IPMK: variants seen among roughly 807,000 people sequenced by gnomAD.
IPMK encodes the protein inositol polyphosphate multikinase, also known as inositol 1,3,4,6-tetrakisphosphate 5-kinase.
IPMK carries 17 observed loss-of-function variants against 45.8 expected under a neutral mutation model. The observed-to-expected ratio is 0.37, with a 90% CI of 0.25 to 0.56. The LOEUF (loss-of-function observed/expected upper bound fraction) is 0.56, where lower values mean the gene tolerates loss of function less well. IPMK is among the 20% of genes least tolerant of loss of function. IPMK has a pLI of 0.79. For synonymous variants in IPMK, 180 were observed against 184.3 expected (o/e 0.98, Z 0.19); for missense variants, 399 against 498.0 (o/e 0.80, Z 1.89).
intron 4 of IPMK, among the ~76,000 whole-genome samples, chr10:58,215,081 C>T (rs1588956099): frequency 1.4e-5 from 1 of 71,080 alleles, no homozygotes; most frequent in Admixed American, 1.1e-4. Context: ...GAATGTGGTA[C>T]TTCAAAATTA....
chr10:58,259,677 A>AAAAAAAAAAAAAAAC (rs1554825696), intron 1 of IPMK, among the ~76,000 whole-genome samples: 2 of 148,062 alleles, frequency 1.4e-5, no homozygotes, highest in African/African-American at 5.1e-5. Context: ...TACATAAAAA[A>AAAAAAAAAAAAAAAC]AAAAAAAAAA....
intron 1 of IPMK, among the ~76,000 whole-genome samples, chr10:58,262,651 T>C (rs530508095): frequency 9.2e-5 from 14 of 152,298 alleles, no homozygotes; most frequent in African/African-American, 3.4e-4. Flanking sequence ...AAGAAAGTTA[T>C]GAGATAATTC....
intron 2 of IPMK, among the ~76,000 whole-genome samples, chr10:58,237,192 T>A (rs570566837): frequency 3.3e-5 from 5 of 152,316 alleles, no homozygotes; most frequent in African/African-American, 1.2e-4. Context: ...CTTGCCCTCT[T>A]GCCCTTACAA....
intron 5 of IPMK, among the ~76,000 whole-genome samples, chr10:58,197,985 G>A (rs1383554787): frequency 6.6e-6 from 1 of 152,118 alleles, no homozygotes; most frequent in Admixed American, 6.5e-5. Context: ...AGCCGAGATC[G>A]TGCCACTGCA....
rs767825603 is a variant in IPMK, at chr10:58,199,291, T to C, written c.577A>G (p.Thr193Ala). ...VYHVHSDSYE[T>A]ENQHYGRSLT... ...CTTCTTCCGTAATGCTGGTTTTCTG[T>C]CTCATAGCTATCGGAATGAACATGA... Residue 193 changes from threonine (T) to alanine (A), a missense_variant, in exon 5 of 6, where the codon ACA becomes GCA. Transcript: ENST00000373935. 28 of 1,608,922 alleles carry C rather than the reference T, an allele frequency of 1.7e-5. No individual in the cohort carries two copies. Among genetic ancestry groups the C allele is most frequent in the Non-Finnish European group, 2.4e-5 (28 of 1,177,546 alleles).
At chr10:58,242,481 G>C (rs200443941) in intron 1 of IPMK, among the ~76,000 whole-genome samples, 5 of 141,160 alleles carry the variant, frequency 3.5e-5, no homozygotes, top group Non-Finnish European at 7.7e-5. Flanking sequence ...AAAAAGAAAA[G>C]AAAACAAAAG....
Position 58,241,143 on chromosome 10 carries a change from G to A in IPMK, c.191-3329C>T, listed in dbSNP as rs573990500. Among the ~76,000 whole-genome samples the A allele has an allele frequency of 2.2e-4, 34 of 152,244 alleles. No individual in the cohort carries two copies. The South Asian group carries it at 7.1e-3, about 32-fold the overall frequency. Reference sequence around the variant, plus strand: ...AGAGGTCTCCTACTGCTGGGGGTGGGAAGGAAACTCATACAAACGACTTGC... The same window carrying A: ...AGAGGTCTCCTACTGCTGGGGGTGGAAAGGAAACTCATACAAACGACTTGC... On this transcript the variant is annotated intron_variant, in intron 1 of 5. Transcript: ENST00000373935.
In IPMK at chr10:58,194,834, T is replaced by C. The variant is rs1368532391; in HGVS notation, c.*1242A>G. 1 of 151,936 alleles carries C rather than the reference T, an allele frequency of 6.6e-6. No homozygotes were observed. 9.4% of individuals were successfully genotyped at this position (151,936 alleles called of 1,614,324 possible). On this transcript the variant is annotated 3_prime_UTR_variant, in exon 6 of 6. Transcript: ENST00000373935. Reference sequence around the variant, plus strand: ...GACTCAAAGTTTTAAATGTTTTAAATGACAAATAACTAGTTGATTTTTTTT... The same window carrying C: ...GACTCAAAGTTTTAAATGTTTTAAACGACAAATAACTAGTTGATTTTTTTT...
At chr10:58,199,146 T>A (rs1422909677) in intron 5 of IPMK, 94 bp downstream of exon 5, 7 of 693,646 alleles carry the variant, frequency 1.0e-5, no homozygotes, top group Non-Finnish European at 1.7e-5. Context: ...TTATTATGAA[T>A]CAAATCACTT....
Position 58,267,450 on chromosome 10 carries a change from G to A in IPMK, c.162C>T (p.Ala54=). 5.6e-6 allele frequency: 9 copies of A among 1,613,830 alleles called. No homozygotes were observed. The highest frequency in any genetic ancestry group is 2.2e-5 in the South Asian group (2 of 91,052). The change falls in exon 1 of 6, where the codon GCC becomes GCT. Residue 54 remains alanine, a synonymous_variant. Transcript: ENST00000373935. Reference sequence around the variant, plus strand: ...CTTTGTCCTTCCCGTACATGTGCCCGGCCACCTGATGCGAGAGGGGCACGC... The same window carrying A: ...CTTTGTCCTTCCCGTACATGTGCCCAGCCACCTGATGCGAGAGGGGCACGC... ...NGCVPLSHQV[A]GHMYGKDKVG...
chr10:58,228,773 T>C (rs1838461053), intron 2 of IPMK, among the ~76,000 whole-genome samples: 1 of 152,176 alleles, frequency 6.6e-6, no homozygotes, highest in Non-Finnish European at 1.5e-5. Context: ...GACCTCGTGA[T>C]CCACCCATCT....
rs1293929784 is a variant in IPMK, at chr10:58,193,839, A to C, written c.*2237T>G. On this transcript the variant is annotated 3_prime_UTR_variant, in exon 6 of 6. Coordinates refer to ENST00000373935, the MANE Select transcript of IPMK (RefSeq NM_152230.5). ...AATATTAAGTGACCGAGAGAGACTA[A>C]GATAGTCACATGTAGATTAGATAAA... 4 of 151,826 alleles carry C rather than the reference A, an allele frequency of 2.6e-5. No homozygotes were observed. Among genetic ancestry groups the C allele is most frequent in the African/African-American group, 9.7e-5 (4 of 41,418 alleles). 9.4% of individuals were successfully genotyped at this position (151,826 alleles called of 1,614,324 possible).
Position 58,196,504 on chromosome 10 carries a change from C to T in IPMK, c.823G>A (p.Glu275Lys). 1 of 1,614,014 alleles carries T rather than the reference C, an allele frequency of 6.2e-7. No individual in the cohort carries two copies. The highest frequency in any genetic ancestry group is 8.5e-7 in the Non-Finnish European group (1 of 1,179,956). Residue 275 changes from glutamate to lysine, a missense_variant, in exon 6 of 6, where the codon GAA becomes AAA. Transcript: ENST00000373935. ...TTKLNDRTLA[E>K]KFLSKGQLSD... ...AGTTGTCCTTTGGACAAAAACTTTT[C>T]TGCCAAAGTTCTGTCATTCAATTTT...
intron 3 of IPMK, among the ~76,000 whole-genome samples, chr10:58,223,218 A>T (rs1838363168): frequency 6.6e-6 from 1 of 152,224 alleles, no homozygotes; most frequent in Non-Finnish European, 1.5e-5. Flanking sequence ...CTTGTTTAAC[A>T]TACATAATTA....
chr10:58,200,356 C>T (rs184708894), intron 4 of IPMK, among the ~76,000 whole-genome samples: 8 of 152,156 alleles, frequency 5.3e-5, no homozygotes, highest in East Asian at 3.9e-4. Context: ...TGGCGTCAAA[C>T]GATCCACCCG....
intron 3 of IPMK, among the ~76,000 whole-genome samples, chr10:58,221,691 T>TG (rs1448215200): frequency 2.6e-5 from 4 of 152,144 alleles, no homozygotes; most frequent in Non-Finnish European, 4.4e-5. Context: ...CCTGAGTAGC[T>TG]GGGACTACAG....
At chr10:58,264,096 T>C (rs1839113854) in intron 1 of IPMK, among the ~76,000 whole-genome samples, 2 of 152,238 alleles carry the variant, frequency 1.3e-5, no homozygotes, top group African/African-American at 4.8e-5. Context: ...ATTATATCCC[T>C]GTTAAATTTC....
chr10:58,214,586 G>A (rs1838216586), intron 4 of IPMK, among the ~76,000 whole-genome samples: 1 of 151,762 alleles, frequency 6.6e-6, no homozygotes, highest in South Asian at 2.1e-4. Flanking sequence ...CAATTTCTCT[G>A]GTTTTATACA....
At chr10:58,236,415 A>C (rs2440847) in intron 2 of IPMK, among the ~76,000 whole-genome samples, 1 of 151,880 alleles carries the variant, frequency 6.6e-6, no homozygotes, top group African/African-American at 2.4e-5. Context: ...GCAAAATCTC[A>C]CAATGCATAG....
Sources: allele counts gnomAD v4.1 joint callset (sites outside exome capture counted in the v4.1 genomes callset), GRCh38; gene constraint gnomAD v4.1.1; transcripts MANE v1.5; gene names NCBI Gene and HGNC (gene_info 2026-07-23, HGNC 2026-07-21).